FRMPD4: variants seen among roughly 807,000 people sequenced by gnomAD.
FRMPD4 encodes FERM and PDZ domain containing 4.
Under a neutral mutation model 94.1 loss-of-function variants are expected in FRMPD4, and 22 were observed. The observed-to-expected ratio is 0.23, with a 90% CI of 0.17 to 0.33. FRMPD4 has a LOEUF of 0.33. Ranked by LOEUF, FRMPD4 falls within the 10% of genes least tolerant of loss-of-function variation. The pLI, the probability that FRMPD4 is intolerant of heterozygous loss-of-function variation, is 1.00. For synonymous variants in FRMPD4, 631 were observed against 548.6 expected (o/e 1.15, Z -2.10); for missense variants, 1,111 against 1,339.9 (o/e 0.83, Z 2.67).
chrX:12,278,197 A>G (rs1422238563), intron 1 of FRMPD4, among the ~76,000 whole-genome samples: 1 of 111,756 alleles, frequency 8.9e-6, no homozygotes, highest in Admixed American at 9.4e-5. Context: ...ATTTTTTTCC[A>G]TCTAAAAGTC....
At chrX:11,886,211 T>C (rs1365119117) in intron 3 of FRMPD4, among the ~76,000 whole-genome samples, 1 of 111,691 alleles carries the variant, frequency 9.0e-6, no homozygotes, top group East Asian at 2.8e-4. Flanking sequence ...TCCATTAATC[T>C]GTACTACCTA....
At chrX:12,007,501 A>G (rs1057490385) in intron 3 of FRMPD4, among the ~76,000 whole-genome samples, 3 of 112,310 alleles carry the variant, frequency 2.7e-5, no homozygotes, top group African/African-American at 9.7e-5. Context: ...CAAGAGCTCT[A>G]AGGCCAGAGC....
At chrX:12,697,657 G>A in intron 9 of FRMPD4, among the ~76,000 whole-genome samples, 1 of 111,926 alleles carries the variant, frequency 8.9e-6, no homozygotes, top group South Asian at 3.8e-4. Context: ...TATAGCTTAG[G>A]GAGATCTTTC....
chrX:12,007,845 C>A (rs2054561858), intron 3 of FRMPD4, among the ~76,000 whole-genome samples: 1 of 112,185 alleles, frequency 8.9e-6, no homozygotes, highest in Non-Finnish European at 1.9e-5. Context: ...TAACTGAAAT[C>A]TTTGATATTG....
intron 1 of FRMPD4, among the ~76,000 whole-genome samples, chrX:12,409,097 A>G (rs2056700822): frequency 9.0e-6 from 1 of 111,711 alleles, no homozygotes; most frequent in Admixed American, 9.5e-5. Context: ...TTGTTAAGAC[A>G]GCTTGTAATG....
intron 2 of FRMPD4, 92 bp from the exon 3 acceptor site, chrX:12,609,629 C>A: frequency 2.6e-6 from 2 of 776,274 alleles, no homozygotes; most frequent in Non-Finnish European, 3.8e-6. Context: ...TACCAAAAAA[C>A]AGGTTTTGAA....
chrX:12,719,296 T>C (rs1043167449), intron 16 of FRMPD4, among the ~76,000 whole-genome samples: 1 of 112,826 alleles, frequency 8.9e-6, no homozygotes, highest in Non-Finnish European at 1.9e-5. Context: ...CTGCTCTATA[T>C]GGATGTTCTG....
chrX:11,833,592 A>G (rs976086907), intron 1 of FRMPD4, among the ~76,000 whole-genome samples: 1 of 111,832 alleles, frequency 8.9e-6, no homozygotes, highest in Non-Finnish European at 1.9e-5. Context: ...GGATACTTTT[A>G]GTGGCTGGGA....
chrX:12,411,953 A>T (rs2056737523), intron 1 of FRMPD4, among the ~76,000 whole-genome samples: 1 of 111,872 alleles, frequency 8.9e-6, no homozygotes, highest in South Asian at 3.8e-4. Context: ...TTTGTCCCCT[A>T]GGAAAAAACC....
At chrX:12,110,799 C>A (rs1361740297) in intron 3 of FRMPD4, among the ~76,000 whole-genome samples, 4 of 111,071 alleles carry the variant, frequency 3.6e-5, no homozygotes, top group Non-Finnish European at 7.6e-5. Context: ...GAGCCAAATC[C>A]TGAGTGAACT....
intron 3 of FRMPD4, among the ~76,000 whole-genome samples, chrX:11,955,997 C>T (rs1299034370): frequency 9.0e-6 from 1 of 111,676 alleles, no homozygotes; most frequent in Non-Finnish European, 1.9e-5. Context: ...TCTGAAGGAC[C>T]AGTAAGGGGT....
rs184351121 is a variant in FRMPD4, at chrX:12,084,207, T to A, written c.95+206189T>A. Among the ~76,000 whole-genome samples, 437 of 99,512 alleles carry A rather than the reference T, an allele frequency of 4.4e-3. 10 individuals carry two copies. The highest frequency in any genetic ancestry group is 0.033 in the Admixed American group (288 of 8,766). 86.4% of individuals were successfully genotyped at this position (99,512 alleles called of 115,157 possible). On this transcript the variant is annotated intron_variant, in intron 3 of 18. Transcript: ENST00000640291. ...GGGGGGGTAATTGAATCATGGGGGCTGGTCTTTCCTGTGCTATTCTCATGA... is the reference window on the plus strand; with the variant it reads ...GGGGGGGTAATTGAATCATGGGGGCAGGTCTTTCCTGTGCTATTCTCATGA...
At chrX:12,284,490 A>G (rs1375677671) in intron 1 of FRMPD4, among the ~76,000 whole-genome samples, 1 of 111,662 alleles carries the variant, frequency 9.0e-6, no homozygotes, top group Non-Finnish European at 1.9e-5. Context: ...GCAGACAAGA[A>G]CATGCCTTCC....
intron 2 of FRMPD4, among the ~76,000 whole-genome samples, chrX:12,571,282 T>C (rs1417096828): frequency 8.9e-6 from 1 of 112,837 alleles, no homozygotes; most frequent in Non-Finnish European, 1.9e-5. Context: ...TATTTGCAGC[T>C]AGGTGTTGCT....
Position 12,717,075 on chromosome X carries a change from G to A in FRMPD4, c.2616G>A (p.Thr872=), listed in dbSNP as rs1304705349. Residue 872 remains threonine, a synonymous_variant, in exon 15 of 17, where the codon ACG becomes ACA. Coordinates refer to ENST00000675598, the MANE Select transcript of FRMPD4 (RefSeq NM_001368397.1). The part of the protein sequence containing the change: ...EKGLDNAVVS[T]LGALEALSVS... ...GACTGGATAATGCCGTCGTCTCCAC[G>A]CTGGGAGCTCTAGAGGCTCTATCCG... The A allele has an allele frequency of 4.2e-6, 5 of 1,204,373 alleles. No homozygotes were observed. The highest frequency in any genetic ancestry group is 3.5e-5 in the African/African-American group (2 of 57,349).
intron 1 of FRMPD4, among the ~76,000 whole-genome samples, chrX:12,399,117 G>A (rs2056579844): frequency 9.0e-6 from 1 of 111,357 alleles, no homozygotes; most frequent in Admixed American, 9.5e-5. Context: ...ACATCTCAGT[G>A]CACACAGCAC....
At chrX:12,355,994 G>A (rs1200121590) in intron 1 of FRMPD4, among the ~76,000 whole-genome samples, 2 of 111,908 alleles carry the variant, frequency 1.8e-5, no homozygotes, top group African/African-American at 6.5e-5. Context: ...ACAGGTTATG[G>A]GAGGGGAGAA....
intron 1 of FRMPD4, among the ~76,000 whole-genome samples, chrX:11,862,561 T>C (rs2053693240): frequency 9.0e-6 from 1 of 110,826 alleles, no homozygotes; most frequent in Middle Eastern, 4.2e-3. Context: ...GGGCTCCAGC[T>C]CCTACAGTCT....
At chrX:12,257,801 A>G (rs1430763062) in intron 1 of FRMPD4, among the ~76,000 whole-genome samples, 1 of 111,555 alleles carries the variant, frequency 9.0e-6, no homozygotes, top group African/African-American at 3.3e-5. Context: ...TCTACTTAGA[A>G]AAACATCTAT....
Sources: gnomAD v4.1 joint callset for allele counts (sites outside exome capture counted in the v4.1 genomes callset) on GRCh38, gnomAD v4.1.1 for gene constraint, MANE v1.5 for transcripts, NCBI Gene and HGNC (gene_info 2026-07-23, HGNC 2026-07-21) for gene names.